GALNT13: variants seen among roughly 807,000 people sequenced by gnomAD.
GALNT13 encodes the protein UDP-GalNAc:polypeptide N-acetylgalactosaminyltransferase 13.
Under a neutral mutation model 64.2 loss-of-function variants are expected in GALNT13, and 28 were observed. The observed-to-expected ratio is 0.44, with a 90% CI of 0.32 to 0.60. The LOEUF is 0.60. Among genes scored for constraint, GALNT13 ranks in the 20% least tolerant of loss-of-function variants. GALNT13 has a pLI of 0.05. For missense variants in GALNT13, 577 were observed against 669.8 expected (o/e 0.86, Z 1.53); for synonymous variants, 214 against 224.6 (o/e 0.95, Z 0.42).
At chr2:154,147,216 T>G (rs1286677147) in intron 4 of GALNT13, among the ~76,000 whole-genome samples, 1 of 151,952 alleles carries the variant, frequency 6.6e-6, no homozygotes, top group Admixed American at 6.6e-5. Context: ...TGTTCTGACT[T>G]TCTAAAGTTG....
At chr2:153,848,583 T>A in the GALNT13 span, among the ~76,000 whole-genome samples, 1 of 151,966 alleles carries the variant, frequency 6.6e-6, no homozygotes, top group East Asian at 1.9e-4. Flanking sequence ...TGTAGTAAAA[T>A]CTGTCAAGAA....
At chr2:154,203,799 C>G (rs1037453166) in intron 4 of GALNT13, among the ~76,000 whole-genome samples, 2 of 152,198 alleles carry the variant, frequency 1.3e-5, no homozygotes, top group Non-Finnish European at 2.9e-5. Flanking sequence ...CACTTCTCTT[C>G]CTTTCCTGTA....
intron 3 of GALNT13, among the ~76,000 whole-genome samples, chr2:153,948,103 G>A (rs1274198189): frequency 6.6e-6 from 1 of 152,058 alleles, no homozygotes; most frequent in East Asian, 1.9e-4. Flanking sequence ...ATAGTTTGGT[G>A]TCAAGTAGAA....
intron 3 of GALNT13, among the ~76,000 whole-genome samples, chr2:153,995,369 A>G (rs1350310270): frequency 6.6e-6 from 1 of 152,158 alleles, no homozygotes. Flanking sequence ...ATACATAAAA[A>G]TAAATACCAC....
At chr2:153,718,091 A>G in the GALNT13 span, among the ~76,000 whole-genome samples, 2 of 152,124 alleles carry the variant, frequency 1.3e-5, no homozygotes, top group African/African-American at 4.8e-5. Flanking sequence ...AAAAAGATTC[A>G]TTGGTGTTCT....
the GALNT13 span, among the ~76,000 whole-genome samples, chr2:153,534,053 C>T: frequency 6.6e-6 from 1 of 151,994 alleles, no homozygotes; most frequent in Non-Finnish European, 1.5e-5. Context: ...ATTTCCATCT[C>T]TATTCTTATA....
intron 4 of GALNT13, among the ~76,000 whole-genome samples, chr2:154,216,555 A>G (rs911998024): frequency 6.6e-6 from 1 of 152,126 alleles, no homozygotes; most frequent in African/African-American, 2.4e-5. Context: ...AAAATGCTTC[A>G]GATATTGCCC....
At chr2:153,853,701 A>C in the GALNT13 span, among the ~76,000 whole-genome samples, 1 of 150,596 alleles carries the variant, frequency 6.6e-6, no homozygotes, top group Admixed American at 6.6e-5. Context: ...ACAATTGCAT[A>C]ATATCATATA....
At position 154,409,064 on chromosome 2, in the gene GALNT13, T is replaced by C; in HGVS notation, c.1377T>C (p.His459=). The part of the protein sequence containing the change: ...ENEKVGIFNC[H]GMGGNQVFSY... ...AAAAAGTGGGTATATTCAACTGTCA[T>C]GGTATGGGAGGAAATCAGGTAAACT... Residue 459 remains histidine (H), a synonymous_variant, in exon 11 of 13, where the codon CAT becomes CAC. Transcript: ENST00000392825. 1.2e-6 allele frequency: 2 copies of C among 1,606,862 alleles called. No homozygotes were observed. Among genetic ancestry groups the C allele is most frequent in the East Asian group, 2.2e-5 (1 of 44,710 alleles).
At chr2:154,238,251 C>G (rs1037360212) in intron 4 of GALNT13, among the ~76,000 whole-genome samples, 1 of 151,960 alleles carries the variant, frequency 6.6e-6, no homozygotes, top group African/African-American at 2.4e-5. Flanking sequence ...ATATGATAAG[C>G]AATACTATTT....
intron 3 of GALNT13, among the ~76,000 whole-genome samples, chr2:154,117,714 G>T (rs78055512): frequency 2.0e-5 from 3 of 152,060 alleles, no homozygotes; most frequent in Non-Finnish European, 4.4e-5. Context: ...CCTGGACAAA[G>T]CAAATAAAAA....
At chr2:154,315,375 G>C (rs1294989968) in intron 9 of GALNT13, among the ~76,000 whole-genome samples, 3 of 152,146 alleles carry the variant, frequency 2.0e-5, no homozygotes, top group African/African-American at 7.2e-5. Context: ...ATCCAAGCTG[G>C]GATGAAAAGT....
intron 9 of GALNT13, among the ~76,000 whole-genome samples, chr2:154,327,374 C>T (rs997624584): frequency 6.6e-6 from 1 of 151,996 alleles, no homozygotes; most frequent in South Asian, 2.1e-4. Context: ...AATATAAGGT[C>T]CCTCTGGTCT....
At chr2:154,133,532 TTTTATATATATATATATATATATATA>T (rs55890906) in intron 3 of GALNT13, among the ~76,000 whole-genome samples, 24,138 of 103,862 alleles carry the variant, frequency 0.23, 2,986 homozygotes, top group Non-Finnish European at 0.31. Context: ...TAACAGACCA[TTTTATATATATATATATATATATATA>T]TATATATATA....
intron 9 of GALNT13, among the ~76,000 whole-genome samples, chr2:154,361,282 C>A (rs1056189730): frequency 1.3e-5 from 2 of 152,016 alleles, no homozygotes; most frequent in Admixed American, 6.6e-5. Flanking sequence ...ATAGCATAAA[C>A]GCTTCCTTCA....
chr2:153,238,995 T>C, the GALNT13 span, among the ~76,000 whole-genome samples: 5 of 152,148 alleles, frequency 3.3e-5, no homozygotes, highest in African/African-American at 1.2e-4. Context: ...CTTTCCATTT[T>C]TTTAGTGTCC....
chr2:153,703,782 T>A, the GALNT13 span, among the ~76,000 whole-genome samples: 1,045 of 152,288 alleles, frequency 6.9e-3, 9 homozygotes, highest in African/African-American at 0.023. Context: ...AAATAGCTCA[T>A]AGATAGCAGA....
At chr2:153,512,779 G>A in the GALNT13 span, among the ~76,000 whole-genome samples, 1 of 151,982 alleles carries the variant, frequency 6.6e-6, no homozygotes, top group Admixed American at 6.6e-5. Flanking sequence ...TATTATTGTT[G>A]TTATTATTAT....
chr2:153,778,238 G>A, the GALNT13 span, among the ~76,000 whole-genome samples: 11 of 152,168 alleles, frequency 7.2e-5, no homozygotes, highest in Non-Finnish European at 1.3e-4. Context: ...AGCCACCTAT[G>A]TGTCTGCCTG....
Sources: allele counts gnomAD v4.1 joint callset (sites outside exome capture counted in the v4.1 genomes callset), GRCh38; gene constraint gnomAD v4.1.1; transcripts MANE v1.5; gene names NCBI Gene and HGNC (gene_info 2026-07-23, HGNC 2026-07-21).